CEACAM21: variants seen among roughly 807,000 people sequenced by gnomAD.
CEACAM21 encodes the protein cell adhesion molecule CEACAM21.
Under a neutral mutation model 33.2 loss-of-function variants are expected in CEACAM21, and 38 were observed. That is an observed-to-expected ratio of 1.14 (90% CI 0.88 to 1.50). CEACAM21 has a LOEUF of 1.50. Among genes scored for constraint, CEACAM21 ranks in the 40% most tolerant of loss-of-function variants. CEACAM21 has a pLI of 0.00. For synonymous variants in CEACAM21, 156 were observed against 143.0 expected (o/e 1.09, Z -0.65); for missense variants, 385 against 364.6 (o/e 1.06, Z -0.46).
chr19:41,576,451 CAG>C, intron 1 of CEACAM21, 113 bp downstream of exon 1: 1 of 1,192,744 alleles, frequency 8.4e-7, no homozygotes, highest in Non-Finnish European at 1.2e-6. Context: ...GTTAGAGACT[CAG>C]GGGAGAGAGC....
intron 3 of CEACAM21, among the ~76,000 whole-genome samples, chr19:41,579,949 A>G (rs2043251148): frequency 6.6e-6 from 1 of 152,248 alleles, no homozygotes; most frequent in South Asian, 2.1e-4. Flanking sequence ...TAACAAGGTC[A>G]TGCACAGAGC....
chr19:41,577,279 G>A lies in CEACAM21; in HGVS notation c.144G>A (p.Gly48=), dbSNP rs1053505736. ...CAGCGCCCTTTGAAGTTGCTGAAGG[G>A]GAGAATGTTCATCTCTCTGTGGTTT... is the stretch of plus-strand genomic sequence containing the variant. ...IASAPFEVAE[G]ENVHLSVVYL... Residue 48 remains glycine, a synonymous_variant, in exon 2 of 7, where the codon GGG becomes GGA. Coordinates refer to ENST00000401445, the MANE Select transcript of CEACAM21 (RefSeq NM_001098506.4). 3 of 1,614,108 alleles carry A rather than the reference G, an allele frequency of 1.9e-6. No individual in the cohort carries two copies.
chr19:41,586,799 C>T lies in CEACAM21; in HGVS notation c.*336C>T, dbSNP rs955605950. 7 of 294,078 alleles carry T rather than the reference C, an allele frequency of 2.4e-5. No individual in the cohort carries two copies. Among genetic ancestry groups the T allele is most frequent in the Non-Finnish European group, 3.4e-5 (5 of 149,104 alleles). 18.2% of individuals were successfully genotyped at this position (294,078 alleles called of 1,614,324 possible). On this transcript the variant is annotated 3_prime_UTR_variant, in exon 7 of 7. Coordinates refer to ENST00000401445, the MANE Select transcript of CEACAM21 (RefSeq NM_001098506.4). ...AAAGTGAATGGGCCTATGGCCCACC[C>T]GGGGTCACCTGGAAAGGATCTGAAT... is the stretch of plus-strand genomic sequence containing the variant.
rs1434266133 is a variant in CEACAM21 at position 41,586,592 on chromosome 19, T to C, written c.*129T>C. Reference sequence around the variant, plus strand: ...TCCCTGAAGCCCCCAGCCCTGGGGATGGGGAAGGACATGGAGCCTGAGCCA... The same window carrying C: ...TCCCTGAAGCCCCCAGCCCTGGGGACGGGGAAGGACATGGAGCCTGAGCCA... On this transcript the variant is annotated 3_prime_UTR_variant, in exon 7 of 7. Coordinates refer to ENST00000401445, the MANE Select transcript of CEACAM21 (RefSeq NM_001098506.4). The C allele has an allele frequency of 1.0e-5, 6 of 593,190 alleles. No homozygotes were observed. The highest frequency in any genetic ancestry group is 4.4e-5 in the East Asian group (1 of 22,670). 36.7% of individuals were successfully genotyped at this position (593,190 alleles called of 1,614,324 possible).
intron 6 of CEACAM21, 132 bp from the exon 7 acceptor site, chr19:41,586,332 G>A (rs1772135086): frequency 1.7e-6 from 1 of 592,164 alleles, no homozygotes; most frequent in Non-Finnish European, 3.2e-6. Context: ...AGGAGGGAGG[G>A]GCCTGGGAGC....
chr19:41,560,660 A>G (rs1316243979), intron 1 of CEACAM21, among the ~76,000 whole-genome samples: 1 of 152,242 alleles, frequency 6.6e-6, no homozygotes, highest in Non-Finnish European at 1.5e-5. Flanking sequence ...TCTCCCAAGA[A>G]TACAGTTAAA....
intron 3 of CEACAM21, 25 bp downstream of exon 3, chr19:41,579,653 C>A: frequency 6.9e-7 from 1 of 1,450,284 alleles, no homozygotes; most frequent in Non-Finnish European, 9.3e-7. Flanking sequence ...GCCCCTCTCA[C>A]TCCTTTCCTT....
At chr19:41,580,339 A>G (rs1555793127) in intron 3 of CEACAM21, among the ~76,000 whole-genome samples, 1 of 152,104 alleles carries the variant, frequency 6.6e-6, no homozygotes, top group Non-Finnish European at 1.5e-5. Flanking sequence ...CACACCCAGC[A>G]GCCAATCAGT....
At position 41,585,889 on chromosome 19, in the gene CEACAM21, C is replaced by T; in HGVS notation, c.*18C>T. The T allele has an allele frequency of 2.5e-6, 4 of 1,612,270 alleles. No individual in the cohort carries two copies. Among genetic ancestry groups the T allele is most frequent in the Non-Finnish European group, 3.4e-6 (4 of 1,179,162 alleles). On this transcript the variant is annotated intron_variant, in intron 6 of 6. Coordinates refer to ENST00000401445, the MANE Select transcript of CEACAM21 (RefSeq NM_001098506.4). ...TCTCCTAGGTAAGACTGTCCGTTCC[C>T]AATCCCATTTCCACTGGGGCCCCAG...
At chr19:41,559,577 T>C (rs946065490) in intron 1 of CEACAM21, among the ~76,000 whole-genome samples, 1 of 152,062 alleles carries the variant, frequency 6.6e-6, no homozygotes, top group Non-Finnish European at 1.5e-5. Flanking sequence ...AGAAAATAGT[T>C]AATATGTATG....
At chr19:41,573,273 G>T (rs2122208728), upstream of CEACAM21, among the ~76,000 whole-genome samples, 1 of 152,298 alleles carries the variant, frequency 6.6e-6, no homozygotes, top group African/African-American at 2.4e-5. Flanking sequence ...TCCTCAGTTG[G>T]GGAGCCAGTA....
intron 4 of CEACAM21, among the ~76,000 whole-genome samples, chr19:41,585,242 C>A (rs1296743287): frequency 6.6e-6 from 1 of 152,156 alleles, no homozygotes; most frequent in East Asian, 1.9e-4. Flanking sequence ...GAGAGTCCTT[C>A]CCCTCTGGCC....
At chr19:41,585,903 C>A in intron 6 of CEACAM21, 32 bp downstream of exon 6, 2 of 1,610,570 alleles carry the variant, frequency 1.2e-6, no homozygotes, top group Non-Finnish European at 8.5e-7. Context: ...CCCATTTCCA[C>A]TGGGGCCCCA....
In CEACAM21 at chr19:41,584,425, T is replaced by C. The variant is rs2070557548; in HGVS notation, c.779T>C (p.Leu260Pro). 1 of 1,607,372 alleles carries C rather than the reference T, an allele frequency of 6.2e-7. No homozygotes were observed. Among genetic ancestry groups the C allele is most frequent in the South Asian group, 1.1e-5 (1 of 89,892 alleles). Reference protein sequence around the residue: ...LLVAALVCFLLLRKTGRASDQ... With the variant: ...LLVAALVCFLPLRKTGRASDQ... ...GTGGCTGCACTTGTGTGTTTCCTGCTCCTCCGAAAAACTGGCAGGTACCAC... is the reference window on the plus strand; with the variant it reads ...GTGGCTGCACTTGTGTGTTTCCTGCCCCTCCGAAAAACTGGCAGGTACCAC... Residue 260 changes from leucine to proline, a missense_variant, in exon 4 of 7, where the codon CTC (leucine) becomes CCC (proline). Leu to Pro is a moderately conservative substitution (Grantham distance 98). Coordinates refer to ENST00000401445, the MANE Select transcript of CEACAM21 (RefSeq NM_001098506.4).
At position 41,584,393 on chromosome 19, in the gene CEACAM21, T is replaced by C; in HGVS notation, c.747T>C (p.Ser249=). The change falls in exon 4 of 7, where the codon AGT becomes AGC. Residue 249 remains serine (S), a synonymous_variant. Transcript: ENST00000401445. The part of the protein sequence containing the change: ...LGILIGVLVG[S]LLVAALVCFL... Reference sequence around the variant, plus strand: ...TCCTGATCGGGGTCCTGGTTGGGAGTCTTCTGGTGGCTGCACTTGTGTGTT... The same window carrying C: ...TCCTGATCGGGGTCCTGGTTGGGAGCCTTCTGGTGGCTGCACTTGTGTGTT... 1 of 1,611,344 alleles carries C rather than the reference T, an allele frequency of 6.2e-7. No homozygotes were observed. Among genetic ancestry groups the C allele is most frequent in the South Asian group, 1.1e-5 (1 of 90,562 alleles).
intron 1 of CEACAM21, among the ~76,000 whole-genome samples, chr19:41,554,307 A>C (rs1555785053): frequency 6.6e-6 from 1 of 152,064 alleles, no homozygotes; most frequent in Non-Finnish European, 1.5e-5. Flanking sequence ...CCTTCTAAAG[A>C]GGGCCAAAAC....
chr19:41,576,940 G>A (rs2042991000), intron 1 of CEACAM21, among the ~76,000 whole-genome samples: 2 of 152,166 alleles, frequency 1.3e-5, no homozygotes, highest in South Asian at 4.1e-4. Flanking sequence ...GTCTCCCAGG[G>A]ATTCCCTTGT....
At chr19:41,558,387 C>T (rs1286536716) in intron 1 of CEACAM21, among the ~76,000 whole-genome samples, 1 of 152,146 alleles carries the variant, frequency 6.6e-6, no homozygotes, top group Non-Finnish European at 1.5e-5. Flanking sequence ...GTGGCTCACA[C>T]CTGTAATCCT....
Position 41,586,520 on chromosome 19 carries a change from G to A in CEACAM21, c.*57G>A, listed in dbSNP as rs1022701161. 1 of 632,198 alleles carries A rather than the reference G, an allele frequency of 1.6e-6. No homozygotes were observed. The highest frequency in any genetic ancestry group is 3.0e-6 in the Non-Finnish European group (1 of 328,452). 39.2% of individuals were successfully genotyped at this position (632,198 alleles called of 1,614,324 possible). A position where few individuals can be genotyped will look rare whatever the true frequency, so the allele number is the denominator to read the frequency against. The stretch of plus-strand genomic sequence containing the variant: ...GCTGGATCGACCACAAAGCAGATGT[G>A]GCTTCTTAGGTTCCTCTGGGAGCTG... On this transcript the variant is annotated 3_prime_UTR_variant, in exon 7 of 7. Coordinates refer to ENST00000401445, the MANE Select transcript of CEACAM21 (RefSeq NM_001098506.4).
Sources: allele counts gnomAD v4.1 joint callset (sites outside exome capture counted in the v4.1 genomes callset), GRCh38; gene constraint gnomAD v4.1.1; transcripts MANE v1.5; gene names NCBI Gene and HGNC (gene_info 2026-07-23, HGNC 2026-07-21).